The following LAMA3 variants were observed in gnomAD, a reference collection of about 807,000 sequenced individuals.
LAMA3 encodes the protein laminin subunit alpha-3.
In LAMA3, 281 loss-of-function variants were observed where a neutral mutation model predicts 402.0. The observed-to-expected ratio is 0.70, with a 90% confidence interval of 0.63 to 0.77. The LOEUF (loss-of-function observed/expected upper bound fraction) is 0.77, where lower values mean the gene tolerates loss of function less well. Ranked by LOEUF, LAMA3 falls within the 30% of genes least tolerant of loss-of-function variation. LAMA3 has a pLI of 0.00. For synonymous variants in LAMA3, 1,431 were observed against 1,558.4 expected, an observed-to-expected ratio of 0.92 and a Z score of 1.93; for missense variants, 3,840 against 4,215.5, an observed-to-expected ratio of 0.91 and a Z score of 2.47.
rs145422538 is a variant in LAMA3 at position 23,904,642 on chromosome 18, C to T, written c.6563C>T (p.Ala2188Val). The change falls in exon 51 of 75, where the codon GCG becomes GTG. Residue 2188 changes from alanine (A) to valine (V), a missense_variant. Around this residue, in one of 3 missense-constraint regions of LAMA3, gnomAD observed 891 missense variants for 857.5 expected, o/e 1.04. Coordinates refer to ENST00000313654, the MANE Select transcript of LAMA3 (RefSeq NM_198129.4). ...GAGAACATCCTCAATGCCATCAAAG[C>T]GGCCGAGGACGCAGCCAACAGGGCT... ...AYENILNAIK[A>V]AEDAANRAAS... The T allele has an allele frequency of 3.3e-5, 53 of 1,613,924 alleles. No individual in the cohort carries two copies. Among genetic ancestry groups the T allele is most frequent in the Non-Finnish European group, 3.8e-5 (45 of 1,179,996 alleles).
intron 8 of LAMA3, among the ~76,000 whole-genome samples, chr18:23,767,676 T>C (rs4800510): frequency 0.79 from 118,698 of 150,340 alleles, 47,523 homozygotes; most frequent in African/African-American, 0.93. Context: ...CGGGTTCCAG[T>C]AATTCTCCTG....
In LAMA3 at chr18:23,946,124, G is replaced by A. The variant is rs760876808; in HGVS notation, c.9211-20G>A. ...TGTCAAAGGTAAAAATACAACTCACGTATCTTTCTTACTCTGAAGGTGGTG... is the reference window on the plus strand; with the variant it reads ...TGTCAAAGGTAAAAATACAACTCACATATCTTTCTTACTCTGAAGGTGGTG... On this transcript the variant is annotated intron_variant, in intron 69 of 74. Transcript: ENST00000313654. 1.3e-5 allele frequency: 21 copies of A among 1,611,716 alleles called. No individual in the cohort carries two copies. In the Admixed American group the frequency reaches 2.0e-4, roughly 15 times the overall value.
chr18:23,763,237 A>G (rs1568158448), intron 7 of LAMA3, among the ~76,000 whole-genome samples, 168 bp from the exon 8 acceptor site: 2 of 152,282 alleles, frequency 1.3e-5, no homozygotes, highest in East Asian at 1.9e-4. Flanking sequence ...GTATCTTAGT[A>G]TATCCTGGTC....
Position 23,842,681 on chromosome 18 carries a change from T to A in LAMA3, c.3534T>A (p.Ile1178=), listed in dbSNP as rs1171398041. 1.2e-6 allele frequency: 2 copies of A among 1,614,172 alleles called. No individual in the cohort carries two copies. The highest frequency in any genetic ancestry group is 1.7e-6 in the Non-Finnish European group (2 of 1,180,020). Residue 1178 remains isoleucine, a synonymous_variant, in exon 29 of 75, where the codon ATT becomes ATA. Coordinates refer to ENST00000313654, the MANE Select transcript of LAMA3 (RefSeq NM_198129.4). ...CRDQVIAEGQ[I]EFDISEPEVA... is the part of the protein sequence containing the mutation. ...ATCAAGTGATTGCCGAAGGCCAGAT[T>A]GAGTTTGACATCTCAGAGCCTGAAG... is the stretch of plus-strand genomic sequence containing the variant.
rs561783916 is a variant in LAMA3, at chr18:23,758,504, G to C, written c.1056G>C (p.Glu352Asp). ...CCGCCGCTTGGGAGCAGAGCCACGAGTGTGAAGGTGGGTGTGGGGATGGGG... is the reference window on the plus strand; with the variant it reads ...CCGCCGCTTGGGAGCAGAGCCACGACTGTGAAGGTGGGTGTGGGGATGGGG... ...WRPAAWEQSH[E>D]CEACNCHGHA... The change falls in exon 7 of 75, where the codon GAG (glutamate) becomes GAC (aspartate). Residue 352 changes from glutamate (E) to aspartate (D), a missense_variant. Glu to Asp is a conservative substitution (Grantham distance 45). Coordinates refer to ENST00000313654, the MANE Select transcript of LAMA3 (RefSeq NM_198129.4). 7 of 1,613,388 alleles carry C rather than the reference G, an allele frequency of 4.3e-6. No homozygotes were observed. In the Middle Eastern group the frequency reaches 6.7e-4, roughly 154 times the overall value.
At position 23,810,505 on chromosome 18, in the gene LAMA3, T is replaced by C. The variant is rs1555698735; in HGVS notation, c.1741+2T>C. On this transcript the variant is annotated splice_donor_variant, in intron 13 of 74. Coordinates refer to ENST00000313654, the MANE Select transcript of LAMA3 (RefSeq NM_198129.4). LOFTEE classifies it high-confidence loss of function. ...CTTATGATTTCCCCCACTGCCAAGGTAGGAAAGTCAGCAGATTGCTAGAGG... is the reference window on the plus strand; with the variant it reads ...CTTATGATTTCCCCCACTGCCAAGGCAGGAAAGTCAGCAGATTGCTAGAGG... 1.2e-6 allele frequency: 2 copies of C among 1,613,912 alleles called. No homozygotes were observed.
At chr18:23,736,620 G>A (rs2061479618) in intron 2 of LAMA3, among the ~76,000 whole-genome samples, 1 of 152,008 alleles carries the variant, frequency 6.6e-6, no homozygotes, top group Admixed American at 6.6e-5. Context: ...GTCCCATGTA[G>A]TTATAAAAGC....
chr18:23,945,856 T>C (rs1284074609), intron 69 of LAMA3, among the ~76,000 whole-genome samples: 1 of 152,170 alleles, frequency 6.6e-6, no homozygotes, highest in African/African-American at 2.4e-5. Context: ...GAACTGTTTC[T>C]CTTTTGTGTA....
intron 9 of LAMA3, among the ~76,000 whole-genome samples, 154 bp downstream of exon 9, chr18:23,773,741 T>C (rs1166606786): frequency 6.6e-6 from 1 of 152,190 alleles, no homozygotes; most frequent in Non-Finnish European, 1.5e-5. Flanking sequence ...ACTTACACAG[T>C]CTCTTTGAAT....
chr18:23,710,181 G>T (rs2060965118), intron 1 of LAMA3: 3 of 672,338 alleles, frequency 4.5e-6, no homozygotes, highest in East Asian at 3.1e-5. Flanking sequence ...ATCTTTTTTT[G>T]TGTGGCTGTG....
At chr18:23,873,786 A>G (rs2064613043) in intron 38 of LAMA3, among the ~76,000 whole-genome samples, 1 of 152,246 alleles carries the variant, frequency 6.6e-6, no homozygotes, top group Non-Finnish European at 1.5e-5. Flanking sequence ...GATTAGGGAC[A>G]TAATATTATC....
intron 6 of LAMA3, among the ~76,000 whole-genome samples, chr18:23,754,380 C>A (rs968190289): frequency 1.9e-4 from 29 of 152,150 alleles, no homozygotes; most frequent in African/African-American, 7.0e-4. Flanking sequence ...TCCTAGGTAC[C>A]TCATATAAGT....
intron 6 of LAMA3, 71 bp from the exon 7 acceptor site, chr18:23,758,325 C>T (rs757609949): frequency 2.5e-4 from 275 of 1,083,124 alleles, no homozygotes; most frequent in Non-Finnish European, 3.4e-4. Context: ...GTGTCAGGTT[C>T]GCACTATAGG....
At chr18:23,748,718 C>A (rs1162891205) in intron 3 of LAMA3, among the ~76,000 whole-genome samples, 1 of 148,316 alleles carries the variant, frequency 6.7e-6, no homozygotes, top group Non-Finnish European at 1.5e-5. Context: ...TCACTTGAAT[C>A]CAGGAGGCGG....
rs768401444 is a variant in LAMA3, at chr18:23,901,242, T to G, written c.6120T>G (p.Ala2040=). ...EYEAKLSDLR[A]RLQEAAAQAK... is the part of the protein sequence containing the mutation. ...AAGCCAAACTCAGTGACCTTCGTGC[T>G]CGGCTGCAGGAGGCAGCTGCCCAAG... Residue 2040 remains alanine, a synonymous_variant, in exon 48 of 75, where the codon GCT becomes GCG. Transcript: ENST00000313654. 2 of 1,614,210 alleles carry G rather than the reference T, an allele frequency of 1.2e-6. No homozygotes were observed. The highest frequency in any genetic ancestry group is 2.2e-5 in the South Asian group (2 of 91,084).
chr18:23,899,215 A>C, intron 46 of LAMA3, 73 bp from the exon 47 acceptor site: 1 of 1,293,838 alleles, frequency 7.7e-7, no homozygotes, highest in Non-Finnish European at 1.1e-6. Flanking sequence ...AGAAGTTTCT[A>C]CCTTTTTTTT....
chr18:23,817,731 A>C (rs1361387753), intron 18 of LAMA3, among the ~76,000 whole-genome samples: 2 of 152,096 alleles, frequency 1.3e-5, no homozygotes, highest in Non-Finnish European at 2.9e-5. Flanking sequence ...AAACAAAAAA[A>C]GTCAGAGTAA....
intron 1 of LAMA3, among the ~76,000 whole-genome samples, chr18:23,699,143 T>C (rs182139731): frequency 1.3e-5 from 2 of 151,502 alleles, no homozygotes; most frequent in East Asian, 1.9e-4. Flanking sequence ...CACAACGAGG[T>C]TGGGAGAGGG....
At chr18:23,871,313 T>C in intron 37 of LAMA3, 118 bp from the exon 38 acceptor site, 2 of 798,092 alleles carry the variant, frequency 2.5e-6, no homozygotes, top group Non-Finnish European at 4.3e-6. Flanking sequence ...TCTTATTTCA[T>C]TTCTCCCTAT....
Sources: gnomAD v4.1 joint callset for allele counts (sites outside exome capture counted in the v4.1 genomes callset) on GRCh38, gnomAD v4.1.1 for gene constraint, gnomAD v4.1.1 regional missense constraint, MANE v1.5 for transcripts, NCBI Gene and HGNC (gene_info 2026-07-23, HGNC 2026-07-21) for gene names.